The following SAMD12 variants were observed in gnomAD, a reference collection of about 807,000 sequenced individuals.
SAMD12 encodes the protein sterile alpha motif domain containing 12.
SAMD12 carries 9 observed loss-of-function variants against 15.0 expected under a neutral mutation model. The observed-to-expected ratio is 0.60, with a 90% confidence interval of 0.36 to 1.05. SAMD12 has a LOEUF of 1.05. Ranked by LOEUF, SAMD12 falls within the 50% of genes least tolerant of loss-of-function variation. The pLI is 0.01. For missense variants in SAMD12, 230 were observed against 234.2 expected (o/e 0.98, Z 0.12); for synonymous variants, 86 against 90.1 (o/e 0.96, Z 0.25).
chr8:118,429,054 T>C (rs1016029232), intron 3 of SAMD12, among the ~76,000 whole-genome samples: 1 of 152,204 alleles, frequency 6.6e-6, no homozygotes, highest in Non-Finnish European at 1.5e-5. Flanking sequence ...TAACATTGAG[T>C]CTTCTAATCC....
chr8:118,314,785 TACACCC>T (rs1333312547), intron 4 of SAMD12, among the ~76,000 whole-genome samples: 2 of 152,174 alleles, frequency 1.3e-5, no homozygotes, highest in Admixed American at 6.5e-5. Flanking sequence ...TGTACATCCT[TACACCC>T]ACTGAAGGAT....
At chr8:118,535,842 C>A (rs917027744) in intron 2 of SAMD12, among the ~76,000 whole-genome samples, 3 of 152,358 alleles carry the variant, frequency 2.0e-5, no homozygotes, top group African/African-American at 7.2e-5. Context: ...CAGGTGCCTT[C>A]TGTCACGGCT....
the SAMD12 span, among the ~76,000 whole-genome samples, chr8:118,180,670 T>C: frequency 6.6e-6 from 1 of 151,808 alleles, no homozygotes; most frequent in Non-Finnish European, 1.5e-5. Flanking sequence ...CCTCCCAGGC[T>C]CAAGCAATCC....
chr8:118,175,844 C>T, the SAMD12 span, among the ~76,000 whole-genome samples: 1 of 152,160 alleles, frequency 6.6e-6, no homozygotes, highest in Non-Finnish European at 1.5e-5. Flanking sequence ...GTAACAGACG[C>T]TGGCAAGATT....
intron 2 of SAMD12, among the ~76,000 whole-genome samples, chr8:118,485,526 T>A (rs1469477887): frequency 6.6e-6 from 1 of 152,240 alleles, no homozygotes; most frequent in Non-Finnish European, 1.5e-5. Context: ...GTTCTTTCTA[T>A]AAACTTCATT....
Position 118,581,663 on chromosome 8 carries a change from C to T in SAMD12, c.14-770G>A, listed in dbSNP as rs114418253. 6.4e-3 allele frequency among the ~76,000 whole-genome samples: 982 copies of T among 152,290 alleles called. 13 individuals carry two copies. Among genetic ancestry groups the T allele is most frequent in the African/African-American group, 0.022 (934 of 41,552 alleles). On this transcript the variant is annotated intron_variant, in intron 1 of 3. Transcript: ENST00000314727. ...GGGATATTTATTCATCTAACAAACG[C>T]TTACTGAGCCCCCCTATGTACCCTG...
intron 4 of SAMD12, among the ~76,000 whole-genome samples, chr8:118,367,617 G>C (rs866729199): frequency 4.1e-4 from 62 of 152,262 alleles, no homozygotes; most frequent in African/African-American, 1.5e-3. Flanking sequence ...AATGCAAAGT[G>C]GTCAATGCAT....
chr8:118,392,455 C>CA (rs1456796213), intron 3 of SAMD12, among the ~76,000 whole-genome samples: 3 of 152,002 alleles, frequency 2.0e-5, no homozygotes, highest in Non-Finnish European at 2.9e-5. Context: ...AAACAAAAAA[C>CA]AAAAAACAAA....
At chr8:118,251,579 A>C (rs2130016754) in intron 4 of SAMD12, among the ~76,000 whole-genome samples, 1 of 152,200 alleles carries the variant, frequency 6.6e-6, no homozygotes, top group African/African-American at 2.4e-5. Flanking sequence ...TCGGAATGGA[A>C]ATTTAATCTG....
At chr8:118,323,306 T>C (rs2130463501) in intron 4 of SAMD12, among the ~76,000 whole-genome samples, 1 of 152,310 alleles carries the variant, frequency 6.6e-6, no homozygotes, top group African/African-American at 2.4e-5. Flanking sequence ...ATAGATCTAA[T>C]GTATGGGAAT....
intron 2 of SAMD12, among the ~76,000 whole-genome samples, chr8:118,448,391 T>C (rs1174666356): frequency 5.9e-5 from 9 of 152,242 alleles, no homozygotes; most frequent in African/African-American, 2.2e-4. Context: ...CCCACTGGCT[T>C]GCAACCTGCA....
chr8:118,294,255 A>C (rs553729046), intron 4 of SAMD12, among the ~76,000 whole-genome samples: 1 of 152,318 alleles, frequency 6.6e-6, no homozygotes, highest in East Asian at 1.9e-4. Flanking sequence ...ATGAGTGCAA[A>C]TCTTTTCACT....
At chr8:118,182,671 G>C in the SAMD12 span, among the ~76,000 whole-genome samples, 1 of 152,152 alleles carries the variant, frequency 6.6e-6, no homozygotes, top group Non-Finnish European at 1.5e-5. Context: ...TACCATGTGA[G>C]GGCACTGGGT....
chr8:118,246,597 G>T (rs1812703617), intron 4 of SAMD12, among the ~76,000 whole-genome samples: 1 of 152,096 alleles, frequency 6.6e-6, no homozygotes, highest in Admixed American at 6.6e-5. Context: ...TCCAGTTTGA[G>T]TTGGACTTTC....
At chr8:118,313,489 G>T (rs55648439) in intron 4 of SAMD12, among the ~76,000 whole-genome samples, 1 of 152,006 alleles carries the variant, frequency 6.6e-6, no homozygotes, top group African/African-American at 2.4e-5. Flanking sequence ...CCTACCTGCA[G>T]TGACTCTATT....
At chr8:118,207,412 C>CAA (rs554490449) in intron 4 of SAMD12, among the ~76,000 whole-genome samples, 45 of 152,130 alleles carry the variant, frequency 3.0e-4, no homozygotes, top group Middle Eastern at 3.4e-3. Context: ...GCAAGTATCT[C>CAA]AAGCCATTAC....
the SAMD12 span, among the ~76,000 whole-genome samples, chr8:118,141,963 T>C: frequency 3.3e-5 from 5 of 152,162 alleles, no homozygotes; most frequent in African/African-American, 9.7e-5. Context: ...ATCAAAGGCA[T>C]ATGTTCTAGG....
At chr8:118,522,885 T>G (rs1031303365) in intron 2 of SAMD12, among the ~76,000 whole-genome samples, 72 of 152,174 alleles carry the variant, frequency 4.7e-4, no homozygotes, top group African/African-American at 1.7e-3. Flanking sequence ...TATTTTGGTG[T>G]AAAGACATTT....
chr8:118,312,388 G>T (rs1563754323), intron 4 of SAMD12, among the ~76,000 whole-genome samples: 2 of 152,168 alleles, frequency 1.3e-5, no homozygotes, highest in East Asian at 3.9e-4. Context: ...TACTTGAAAG[G>T]CCATCCTCAT....
Sources: gnomAD v4.1 joint callset for allele counts (sites outside exome capture counted in the v4.1 genomes callset) on GRCh38, gnomAD v4.1.1 for gene constraint, MANE v1.5 for transcripts, NCBI Gene and HGNC (gene_info 2026-07-23, HGNC 2026-07-21) for gene names.